Variants in CCM2 observed in about 807,000 individuals in gnomAD.
The protein encoded by CCM2 is CCM2 scaffold protein.
CCM2 carries 25 observed loss-of-function variants against 44.9 expected under a neutral mutation model. The ratio of observed to expected loss-of-function variants is 0.56; its 90% CI spans 0.41 to 0.78. The LOEUF (loss-of-function observed/expected upper bound fraction) is 0.78, where lower values mean the gene tolerates loss of function less well. CCM2 is among the 30% of genes least tolerant of loss of function. CCM2 has a pLI of 0.00. For synonymous variants in CCM2, 219 were observed against 241.1 expected (o/e 0.91, Z 0.85); for missense variants, 481 against 580.6 (o/e 0.83, Z 1.76).
chr7:45,076,402 T>C lies in CCM2; in HGVS notation c.*345T>C, dbSNP rs2128638433. 1 of 452,338 alleles carries C rather than the reference T, an allele frequency of 2.2e-6. No individual in the cohort carries two copies. The highest frequency in any genetic ancestry group is 4.2e-6 in the Non-Finnish European group (1 of 239,150). The allele number at this position is 452,338 out of a possible 1,614,324, so 28.0% of individuals were successfully genotyped here. ...TCAGTTTTGCACATGATGTTCCTATTGTAACTCTCAGAGACCTTAAAAAGA... is the reference window on the plus strand; with the variant it reads ...TCAGTTTTGCACATGATGTTCCTATCGTAACTCTCAGAGACCTTAAAAAGA... On this transcript the variant is annotated 3_prime_UTR_variant, in exon 10 of 10. Transcript: ENST00000258781.
chr7:45,012,720 A>AT (rs1439617642), intron 1 of CCM2, among the ~76,000 whole-genome samples: 2 of 150,992 alleles, frequency 1.3e-5, no homozygotes, highest in African/African-American at 4.9e-5. Context: ...ATGCCTGGCT[A>AT]ATTTTTTTTT....
upstream of CCM2, chr7:44,999,798 CT>C (rs1795506497): frequency 2.3e-6 from 1 of 441,560 alleles, no homozygotes; most frequent in Admixed American, 2.4e-5. Flanking sequence ...AAAGTTGGAG[CT>C]GCTCCCGCGC....
intron 2 of CCM2, 29 bp downstream of exon 2, chr7:45,038,455 C>A (rs547769770): frequency 5.0e-6 from 8 of 1,611,722 alleles, no homozygotes; most frequent in Non-Finnish European, 5.9e-6. Flanking sequence ...CAGGACGTGC[C>A]TGCCAAACGA....
In CCM2 at chr7:45,008,356, C is replaced by CTT. The variant is rs59435094; in HGVS notation, c.30+8019_30+8020dup. 2.1e-4 allele frequency among the ~76,000 whole-genome samples: 24 copies of CTT among 114,780 alleles called. 1 individual carries two copies. The highest frequency in any genetic ancestry group is 7.3e-4 in the African/African-American group (18 of 24,670). The allele number at this position is 114,780 out of a possible 152,430, so 75.3% of individuals were successfully genotyped here. ...CCGTGCCTGGCCAAGGGTACATGTT[C>CTT]TTTTTTTTTTTTTTTTTTTTTTTTT... is the stretch of plus-strand genomic sequence containing the variant. On this transcript the variant is annotated intron_variant, in intron 1 of 9. Transcript: ENST00000258781.
intron 1 of CCM2, among the ~76,000 whole-genome samples, chr7:45,005,581 A>C (rs1367839806): frequency 6.6e-6 from 1 of 152,164 alleles, no homozygotes; most frequent in Non-Finnish European, 1.5e-5. Flanking sequence ...GGTCATGATT[A>C]AGTCCTATAA....
chr7:45,026,597 A>ATTTTTT (rs747619583), intron 1 of CCM2, among the ~76,000 whole-genome samples: 43 of 114,390 alleles, frequency 3.8e-4, no homozygotes, highest in Non-Finnish European at 4.2e-4. Context: ...CTCTAACCAG[A>ATTTTTT]TTTTTTTTTT....
chr7:45,063,843 G>GCT (rs1798637458), intron 2 of CCM2, 75 bp from the exon 3 acceptor site: 3 of 1,016,586 alleles, frequency 3.0e-6, no homozygotes, highest in Non-Finnish European at 4.7e-6. Flanking sequence ...CTTGGTTTGT[G>GCT]CTCTCGGTGG....
chr7:45,039,916 A>G (rs1049706023), intron 2 of CCM2, among the ~76,000 whole-genome samples: 30 of 152,004 alleles, frequency 2.0e-4, no homozygotes, highest in Non-Finnish European at 4.0e-4. Context: ...AATCCCAGCT[A>G]CTTGGGAGGC....
intron 1 of CCM2, among the ~76,000 whole-genome samples, chr7:45,006,118 C>A (rs1263861588): frequency 6.6e-6 from 1 of 152,092 alleles, no homozygotes; most frequent in Admixed American, 6.6e-5. Context: ...TAAGAGTGAT[C>A]AGGAACACCT....
chr7:45,037,574 C>A (rs1237470908), intron 1 of CCM2, among the ~76,000 whole-genome samples: 1 of 151,976 alleles, frequency 6.6e-6, no homozygotes, highest in African/African-American at 2.4e-5. Context: ...TGTGCCACCA[C>A]ACCTGGCTAA....
intron 2 of CCM2, 46 bp downstream of exon 2, chr7:45,038,472 C>T (rs781380226): frequency 2.5e-6 from 4 of 1,595,058 alleles, no homozygotes; most frequent in African/African-American, 1.3e-5. Context: ...ACGACAGTGA[C>T]GGTCATGCTT....
intron 1 of CCM2, among the ~76,000 whole-genome samples, chr7:45,006,605 A>T (rs539546394): frequency 1.3e-5 from 2 of 152,170 alleles, no homozygotes; most frequent in East Asian, 1.9e-4. Context: ...CGGCCTCCCA[A>T]AGTGCTGGGA....
intron 2 of CCM2, among the ~76,000 whole-genome samples, chr7:45,059,665 G>A (rs1173341399): frequency 6.6e-6 from 1 of 152,110 alleles, no homozygotes; most frequent in Non-Finnish European, 1.5e-5. Flanking sequence ...TTCAGCCTGG[G>A]AGGTTGAGGC....
At chr7:45,006,729 G>C (rs1177810050) in intron 1 of CCM2, among the ~76,000 whole-genome samples, 1 of 152,156 alleles carries the variant, frequency 6.6e-6, no homozygotes, top group East Asian at 1.9e-4. Context: ...GTCCTTATAG[G>C]AAGTTATTAG....
chr7:45,043,678 TTTAAC>T (rs1035170267), intron 2 of CCM2: 3 of 391,652 alleles, frequency 7.7e-6, no homozygotes, highest in African/African-American at 6.6e-5. Context: ...TCTTCAAATA[TTTAAC>T]TTTATTTTTT....
intron 1 of CCM2, among the ~76,000 whole-genome samples, chr7:45,007,643 G>C (rs1795898439): frequency 6.6e-6 from 1 of 152,126 alleles, no homozygotes; most frequent in Non-Finnish European, 1.5e-5. Flanking sequence ...TTAGATGTAT[G>C]TGCAATGAAA....
At chr7:45,046,408 A>G (rs1017115889) in intron 2 of CCM2, among the ~76,000 whole-genome samples, 1 of 152,238 alleles carries the variant, frequency 6.6e-6, no homozygotes, top group African/African-American at 2.4e-5. Context: ...TGACACAGAG[A>G]TCAGGGGAGC....
chr7:45,068,346 C>A, intron 4 of CCM2, 97 bp from the exon 5 acceptor site: 1 of 1,528,330 alleles, frequency 6.5e-7, no homozygotes, highest in South Asian at 1.1e-5. Context: ...GGTAAAGGTC[C>A]TCTCAGCCTG....
In CCM2 at chr7:45,075,999, C is replaced by T. The variant is rs753227642; in HGVS notation, c.1277C>T (p.Ser426Leu). 1.8e-5 allele frequency: 29 copies of T among 1,612,944 alleles called. 1 individual carries two copies. Among genetic ancestry groups the T allele is most frequent in the South Asian group, 1.2e-4 (11 of 91,086 alleles). Residue 426 changes from serine (S) to leucine (L), a missense_variant, in exon 10 of 10, where the codon TCG becomes TTG. Transcript: ENST00000258781. ...SEGDEWDRMI[S>L]DISSDIEALG... ...GGGGATGAGTGGGACCGCATGATCTCGGACATCAGCAGCGACATTGAGGCG... is the reference window on the plus strand; with the variant it reads ...GGGGATGAGTGGGACCGCATGATCTTGGACATCAGCAGCGACATTGAGGCG...
Sources: allele counts gnomAD v4.1 joint callset (sites outside exome capture counted in the v4.1 genomes callset), GRCh38; gene constraint gnomAD v4.1.1; transcripts MANE v1.5; gene names NCBI Gene and HGNC (gene_info 2026-07-23, HGNC 2026-07-21).